SND1: variants seen among roughly 807,000 people sequenced by gnomAD.
The protein encoded by SND1 is staphylococcal nuclease and tudor domain containing 1.
In SND1, 38 loss-of-function variants were observed where a neutral mutation model predicts 121.7. The observed-to-expected ratio is 0.31, with a 90% confidence interval of 0.24 to 0.41. The LOEUF is 0.41. Ranked by LOEUF, SND1 falls within the 10% of genes least tolerant of loss-of-function variation. SND1 has a pLI of 1.00. For synonymous variants in SND1, 401 were observed against 447.4 expected, an observed-to-expected ratio of 0.90 and a Z score of 1.31; for missense variants, 868 against 1,184.6, an observed-to-expected ratio of 0.73 and a Z score of 3.92.
chr7:127,941,870 T>G (rs1275649609), intron 15 of SND1, among the ~76,000 whole-genome samples: 2 of 151,710 alleles, frequency 1.3e-5, no homozygotes, highest in Non-Finnish European at 2.9e-5. Flanking sequence ...TACTCTTGAT[T>G]CTTATTGTTT....
At chr7:127,703,393 T>C (rs1796137217) in intron 7 of SND1, 70 bp downstream of exon 7, 8 of 1,535,450 alleles carry the variant, frequency 5.2e-6, no homozygotes, top group Non-Finnish European at 7.1e-6. Context: ...AATAGGGGTT[T>C]GCTTCTCTTT....
chr7:128,024,155 C>G (rs1339660663), intron 16 of SND1, among the ~76,000 whole-genome samples: 1 of 151,844 alleles, frequency 6.6e-6, no homozygotes, highest in Non-Finnish European at 1.5e-5. Context: ...TAATTTAAAG[C>G]AAAGATGAAA....
chr7:128,020,873 C>T (rs1253758792), intron 16 of SND1, among the ~76,000 whole-genome samples: 2 of 152,166 alleles, frequency 1.3e-5, no homozygotes, highest in Non-Finnish European at 2.9e-5. Context: ...ATGCACACAG[C>T]ACCTCCAGTG....
rs999371143 is a variant in SND1 at position 128,085,959 on chromosome 7, A to T, written c.2304+179A>T. Among the ~76,000 whole-genome samples, 1 of 152,170 alleles carries T rather than the reference A, an allele frequency of 6.6e-6. No individual in the cohort carries two copies. The highest frequency in any genetic ancestry group is 1.5e-5 in the Non-Finnish European group (1 of 68,038). ...CAGTGACCTGGCAAAACTGGGGTCT[A>T]TGACCAGTGGCTGCAAGCACTGATA... On this transcript the variant is annotated intron_variant, in intron 20 of 23. Transcript: ENST00000354725. The surrounding 1 kb of genome is among the most constrained non-coding windows in gnomAD (Gnocchi z 4.4).
At position 128,092,184 on chromosome 7, in the gene SND1, G is replaced by A; in HGVS notation, c.*126G>A. ...TGGGTCCAGCTTTGCTTCAGTGTGTGGAAATGTCTCGTGGGGTGGCATCGG... is the reference window on the plus strand; with the variant it reads ...TGGGTCCAGCTTTGCTTCAGTGTGTAGAAATGTCTCGTGGGGTGGCATCGG... On this transcript the variant is annotated 3_prime_UTR_variant, in exon 24 of 24. Coordinates refer to ENST00000354725, the MANE Select transcript of SND1 (RefSeq NM_014390.4). This position sits in a 1 kb window ranked among gnomAD's most constrained non-coding sequence, Gnocchi z 4.9. 1.9e-6 allele frequency: 2 copies of A among 1,046,764 alleles called. No homozygotes were observed. The highest frequency in any genetic ancestry group is 2.9e-6 in the Non-Finnish European group (2 of 700,480). 64.8% of individuals were successfully genotyped at this position (1,046,764 alleles called of 1,614,324 possible).
intron 1 of SND1, among the ~76,000 whole-genome samples, chr7:127,655,160 C>T (rs868739956): frequency 2.0e-5 from 3 of 152,184 alleles, no homozygotes; most frequent in East Asian, 1.9e-4. Context: ...GGTCTGAAAT[C>T]GTCTAGGGTT....
chr7:127,857,318 G>C (rs1230262141), intron 12 of SND1, among the ~76,000 whole-genome samples: 1 of 141,478 alleles, frequency 7.1e-6, no homozygotes, highest in Non-Finnish European at 1.5e-5. Context: ...TCAACCTCCC[G>C]AGCAGCTGGG....
chr7:127,773,343 T>G, intron 10 of SND1, among the ~76,000 whole-genome samples: 1 of 152,040 alleles, frequency 6.6e-6, no homozygotes, highest in South Asian at 2.1e-4. Flanking sequence ...TCCCAGCTAC[T>G]CAGGAGGCTG....
At chr7:128,020,211 A>G (rs1803314059) in intron 16 of SND1, among the ~76,000 whole-genome samples, 1 of 152,220 alleles carries the variant, frequency 6.6e-6, no homozygotes, top group Non-Finnish European at 1.5e-5. Context: ...GAATGAAATC[A>G]TGAGTGGGCA....
intron 8 of SND1, among the ~76,000 whole-genome samples, chr7:127,705,624 T>G (rs1252072442): frequency 1.6e-5 from 2 of 128,644 alleles, no homozygotes; most frequent in African/African-American, 5.3e-5. Flanking sequence ...GATGTAGATG[T>G]AGATGTAGAT....
chr7:127,808,346 G>T (rs1027742026), intron 11 of SND1, among the ~76,000 whole-genome samples: 3 of 151,648 alleles, frequency 2.0e-5, no homozygotes, highest in Non-Finnish European at 4.4e-5. Context: ...TATTTTTTTG[G>T]TCGAGACGGA....
intron 15 of SND1, among the ~76,000 whole-genome samples, chr7:127,941,097 T>C (rs559905967): frequency 6.6e-6 from 1 of 152,390 alleles, no homozygotes; most frequent in East Asian, 1.9e-4. Context: ...CGTTTCATGT[T>C]TGGAAGGCAT....
At chr7:127,992,673 T>G (rs1271739877) in intron 16 of SND1, among the ~76,000 whole-genome samples, 1 of 152,194 alleles carries the variant, frequency 6.6e-6, no homozygotes, top group East Asian at 1.9e-4. Context: ...CTGTTTCACA[T>G]CTCCTAAAGT....
At chr7:127,779,136 G>C (rs1797673102) in intron 10 of SND1, among the ~76,000 whole-genome samples, 1 of 152,158 alleles carries the variant, frequency 6.6e-6, no homozygotes, top group South Asian at 2.1e-4. Context: ...TGCACTATGG[G>C]GGGGATTGTT....
intron 16 of SND1, chr7:128,030,563 C>T: frequency 6.2e-7 from 1 of 1,611,732 alleles, no homozygotes; most frequent in Non-Finnish European, 8.5e-7. Context: ...TCCACACTTG[C>T]GCCGTGAGGT....
In SND1 at chr7:127,914,080, T is replaced by C. The variant is rs3757766; in HGVS notation, c.1527+9261T>C. ...AAATGGTGTTCTCAGGAAGAAATTA[T>C]AGAATTCCTAATACAGTATCGAATT... On this transcript the variant is annotated intron_variant, in intron 14 of 23. Transcript: ENST00000354725. 5.4e-3 allele frequency among the ~76,000 whole-genome samples: 828 copies of C among 152,264 alleles called. 4 individuals are homozygous for C. The highest frequency in any genetic ancestry group is 9.0e-3 in the Non-Finnish European group (612 of 68,026).
At chr7:128,028,590 A>T in intron 16 of SND1, 1 of 1,243,814 alleles carries the variant, frequency 8.0e-7, no homozygotes, top group Non-Finnish European at 1.1e-6. Flanking sequence ...ATAAGCATAT[A>T]CAAGAAAAAG....
intron 12 of SND1, among the ~76,000 whole-genome samples, chr7:127,877,929 C>G (rs1163909700): frequency 1.3e-5 from 2 of 152,008 alleles, no homozygotes; most frequent in Admixed American, 1.3e-4. Flanking sequence ...TATTTGTCTA[C>G]AAAAAAGTCT....
chr7:127,719,329 A>AT (rs1796447826), intron 9 of SND1, among the ~76,000 whole-genome samples: 1 of 152,018 alleles, frequency 6.6e-6, no homozygotes, highest in South Asian at 2.1e-4. Context: ...GATGTACTCT[A>AT]TTTTTTCTTT....
Sources: allele counts gnomAD v4.1 joint callset (sites outside exome capture counted in the v4.1 genomes callset), GRCh38; gene constraint gnomAD v4.1.1; non-coding constraint Gnocchi (gnomAD v3.1); transcripts MANE v1.5; gene names NCBI Gene and HGNC (gene_info 2026-07-23, HGNC 2026-07-21).